KCNMA1: variants seen among roughly 807,000 people sequenced by gnomAD.
KCNMA1 encodes the protein potassium calcium-activated channel subfamily M alpha 1.
Under a neutral mutation model 140.0 loss-of-function variants are expected in KCNMA1, and 29 were observed. That is an observed-to-expected ratio of 0.21 (90% confidence interval 0.15 to 0.28). KCNMA1 has a LOEUF of 0.28. Among genes scored for constraint, KCNMA1 ranks in the 10% least tolerant of loss-of-function variants. The probability of loss-of-function intolerance (pLI) is 1.00; values close to 1 mark genes in which losing one functional copy is unlikely to be tolerated. For synonymous variants in KCNMA1, 612 were observed against 611.9 expected (o/e 1.00, Z 0.00); for missense variants, 880 against 1,602.2 (o/e 0.55, Z 7.70).
intron 1 of KCNMA1, among the ~76,000 whole-genome samples, chr10:77,413,460 T>C (rs1490398377): frequency 1.3e-5 from 2 of 152,118 alleles, no homozygotes; most frequent in Admixed American, 1.3e-4. Context: ...CCAATAATCC[T>C]GCATATTAGG....
Position 77,012,472 on chromosome 10 carries a change from C to T in KCNMA1, c.2016-429G>A, listed in dbSNP as rs1028842436. The T allele has an allele frequency of 2.5e-5, 38 of 1,549,976 alleles. No homozygotes were observed. The African/African-American group carries it at 3.4e-4, about 14-fold the overall frequency. ...TATATTTGAGGGGGCAGAAGTATGT[C>T]GTTTCTCAGTCAAATAAAAATATCA... On this transcript the variant is annotated intron_variant, in intron 17 of 27. Transcript: ENST00000286628.
chr10:77,280,281 T>C (rs757262652), intron 2 of KCNMA1, among the ~76,000 whole-genome samples: 6 of 152,224 alleles, frequency 3.9e-5, no homozygotes, highest in Non-Finnish European at 7.3e-5. Context: ...AGAACGCCAC[T>C]CTTGGTAAGC....
At chr10:77,403,005 G>A (rs974665762) in intron 2 of KCNMA1, among the ~76,000 whole-genome samples, 18 of 152,248 alleles carry the variant, frequency 1.2e-4, no homozygotes, top group African/African-American at 4.1e-4. Context: ...TGGCTATGGC[G>A]ACCAATTCAT....
chr10:77,460,323 CAGTGTGG>C (rs2097842256), intron 1 of KCNMA1, among the ~76,000 whole-genome samples: 1 of 152,314 alleles, frequency 6.6e-6, no homozygotes, highest in South Asian at 2.1e-4. Flanking sequence ...CTTCCTGAAA[CAGTGTGG>C]AGATTTCTCA....
At chr10:77,149,415 AT>A (rs997395147) in intron 5 of KCNMA1, among the ~76,000 whole-genome samples, 19 of 152,026 alleles carry the variant, frequency 1.2e-4, no homozygotes, top group African/African-American at 4.1e-4. Flanking sequence ...TTATTTCAAC[AT>A]TTTTTTCCTA....
At chr10:77,407,047 C>T (rs758948071) in intron 1 of KCNMA1, among the ~76,000 whole-genome samples, 1 of 152,300 alleles carries the variant, frequency 6.6e-6, no homozygotes, top group Non-Finnish European at 1.5e-5. Context: ...GCCCTCTTAC[C>T]TATTGTTTTA....
intron 1 of KCNMA1, among the ~76,000 whole-genome samples, chr10:77,470,454 G>A (rs776193849): frequency 9.2e-5 from 14 of 152,164 alleles, no homozygotes; most frequent in Admixed American, 3.3e-4. Flanking sequence ...CCAAAGGCCC[G>A]GCACCCTACC....
intron 1 of KCNMA1, among the ~76,000 whole-genome samples, chr10:77,540,195 A>T (rs2059856278): frequency 6.6e-6 from 1 of 152,166 alleles, no homozygotes; most frequent in Non-Finnish European, 1.5e-5. Flanking sequence ...AGTCCCCAAA[A>T]GCTTTGGATC....
At chr10:77,580,310 G>A (rs903160855) in intron 1 of KCNMA1, among the ~76,000 whole-genome samples, 2 of 151,352 alleles carry the variant, frequency 1.3e-5, no homozygotes, top group Admixed American at 6.6e-5. Context: ...GAACCCAGGA[G>A]GTGGAGCTTG....
intron 1 of KCNMA1, among the ~76,000 whole-genome samples, chr10:77,417,264 C>T (rs1378667730): frequency 6.6e-6 from 1 of 152,244 alleles, no homozygotes; most frequent in Non-Finnish European, 1.5e-5. Flanking sequence ...TTGGTCCATG[C>T]ATGTTGCATT....
At chr10:77,036,590 T>C (rs1367043879) in intron 15 of KCNMA1, among the ~76,000 whole-genome samples, 1 of 152,246 alleles carries the variant, frequency 6.6e-6, no homozygotes, top group East Asian at 1.9e-4. Context: ...CTGTGCTTTA[T>C]GATACCCAGA....
intron 6 of KCNMA1, among the ~76,000 whole-genome samples, chr10:77,117,505 C>T (rs745789233): frequency 2.1e-4 from 27 of 127,640 alleles, no homozygotes; most frequent in African/African-American, 3.4e-4. Flanking sequence ...GCTGAGATCA[C>T]GCCCAGCCTG....
At chr10:77,266,953 C>T (rs1039585787) in intron 2 of KCNMA1, among the ~76,000 whole-genome samples, 1 of 152,192 alleles carries the variant, frequency 6.6e-6, no homozygotes, top group Non-Finnish European at 1.5e-5. Flanking sequence ...CCTCATGAAC[C>T]TTACAGTCTG....
chr10:77,425,822 T>C lies in KCNMA1; in HGVS notation c.379-21799A>G, dbSNP rs139346292. Among the ~76,000 whole-genome samples the C allele has an allele frequency of 6.1e-3, 925 of 152,350 alleles. 6 individuals carry two copies. The highest frequency in any genetic ancestry group is 0.019 in the African/African-American group (806 of 41,572). On this transcript the variant is annotated intron_variant, in intron 1 of 27. Coordinates refer to ENST00000286628, the MANE Select transcript of KCNMA1 (RefSeq NM_001161352.2). ...TGACACATCCTGCTTAGGAGTCTGC[T>C]GGCCTCCAGTCTGGGACAACAGAGC...
At chr10:76,978,833 CT>C (rs2078508437) in intron 19 of KCNMA1, among the ~76,000 whole-genome samples, 1 of 152,220 alleles carries the variant, frequency 6.6e-6, no homozygotes, top group Non-Finnish European at 1.5e-5. Context: ...GTTTCCACCC[CT>C]AGTGAATTCA....
chr10:77,636,222 A>C, intron 1 of KCNMA1: 1 of 1,429,368 alleles, frequency 7.0e-7, no homozygotes, highest in Non-Finnish European at 9.1e-7. Context: ...TTTCTTTTTT[A>C]TTCTGCAGTT....
chr10:77,573,836 CTT>C lies in KCNMA1; in HGVS notation c.378+63427_378+63428del, dbSNP rs71028290. ...GTTCATTTATATCCTTTATAATACTCTTTTTTTTTTTTTTTTTCTGAGACAGG... is the reference window on the plus strand; with the variant it reads ...GTTCATTTATATCCTTTATAATACTCTTTTTTTTTTTTTTTCTGAGACAGG... On this transcript the variant is annotated intron_variant, in intron 1 of 27. Coordinates refer to ENST00000286628, the MANE Select transcript of KCNMA1 (RefSeq NM_001161352.2). Among the ~76,000 whole-genome samples, 423 of 133,686 alleles carry C rather than the reference CTT, an allele frequency of 3.2e-3. 6 individuals carry two copies. The highest frequency in any genetic ancestry group is 0.026 in the South Asian group (109 of 4,120). The allele number at this position is 133,686 out of a possible 152,430, so 87.7% of individuals were successfully genotyped here.
chr10:77,101,385 G>C (rs1249094934), intron 9 of KCNMA1, among the ~76,000 whole-genome samples: 4 of 152,164 alleles, frequency 2.6e-5, no homozygotes, highest in Admixed American at 2.0e-4. Context: ...TGCCTAATCA[G>C]TCCAAGATGT....
chr10:77,363,868 C>A (rs2094163471), intron 2 of KCNMA1, among the ~76,000 whole-genome samples: 1 of 152,174 alleles, frequency 6.6e-6, no homozygotes, highest in Non-Finnish European at 1.5e-5. Flanking sequence ...CCACTCCTGC[C>A]CCCTTCTCTC....
Sources: gnomAD v4.1 joint callset for allele counts (sites outside exome capture counted in the v4.1 genomes callset) on GRCh38, gnomAD v4.1.1 for gene constraint, MANE v1.5 for transcripts, NCBI Gene and HGNC (gene_info 2026-07-23, HGNC 2026-07-21) for gene names.